Variants in MIER2 observed in about 807,000 individuals in gnomAD.
MIER2 encodes MIER family member 2.
MIER2 carries 30 observed loss-of-function variants against 67.6 expected under a neutral mutation model. The ratio of observed to expected loss-of-function variants is 0.44; its 90% CI spans 0.33 to 0.60. The LOEUF is 0.60. Ranked by LOEUF, MIER2 falls within the 20% of genes least tolerant of loss-of-function variation. MIER2 has a pLI of 0.02. For missense variants in MIER2, 702 were observed against 745.1 expected, an observed-to-expected ratio of 0.94 and a Z score of 0.67; for synonymous variants, 372 against 312.6, an observed-to-expected ratio of 1.19 and a Z score of -2.00.
intron 1 of MIER2, chr19:344,512 C>A (rs1442138888): frequency 5.0e-6 from 2 of 400,010 alleles, no homozygotes; most frequent in East Asian, 3.2e-4. Flanking sequence ...CCCCGGCCCC[C>A]GCCCGCCCCG....
At chr19:313,397 C>T in intron 8 of MIER2, 95 bp downstream of exon 8, 1 of 1,536,976 alleles carries the variant, frequency 6.5e-7, no homozygotes, top group Non-Finnish European at 8.7e-7. Flanking sequence ...GCCCTCCCCT[C>T]TGCCCTCCCT....
At chr19:342,513 CAAG>C (rs1972552595) in intron 1 of MIER2, among the ~76,000 whole-genome samples, 1 of 151,240 alleles carries the variant, frequency 6.6e-6, no homozygotes, top group Non-Finnish European at 1.5e-5. Flanking sequence ...TGGGACTCAG[CAAG>C]GAGGAGCATT....
intron 13 of MIER2, 89 bp downstream of exon 13, chr19:307,030 A>T: frequency 6.9e-7 from 1 of 1,441,570 alleles, no homozygotes. Context: ...CCTTGGGGCA[A>T]ATGCCTCCCA....
At chr19:323,458 T>G (rs1971588794) in intron 7 of MIER2, among the ~76,000 whole-genome samples, 1 of 146,430 alleles carries the variant, frequency 6.8e-6, no homozygotes, top group African/African-American at 2.6e-5. Context: ...TGCAGACGAC[T>G]CGAATGACAC....
rs530545303 is a variant in MIER2 at position 314,853 on chromosome 19, G to A, written c.656-1210C>T. Among the ~76,000 whole-genome samples, 8 of 152,270 alleles carry A rather than the reference G, an allele frequency of 5.3e-5. No individual in the cohort carries two copies. The South Asian group carries it at 1.7e-3, about 32-fold the overall frequency. On this transcript the variant is annotated intron_variant, in intron 7 of 13. Transcript: ENST00000264819. ...GTCTGTAATCCCAGCACTCTGGGAG[G>A]CTGAGGTGGGAGGATCGGTTGAGGC...
Position 306,461 on chromosome 19 carries a change from A to G in MIER2, c.*229T>C, listed in dbSNP as rs1470298919. The G allele has an allele frequency of 1.6e-6, 1 of 626,972 alleles. No individual in the cohort carries two copies. The highest frequency in any genetic ancestry group is 2.8e-5 in the East Asian group (1 of 36,090). 38.8% of individuals were successfully genotyped at this position (626,972 alleles called of 1,614,324 possible). On this transcript the variant is annotated 3_prime_UTR_variant, in exon 14 of 14. Transcript: ENST00000264819. ...AGGCAGCGGCCCGGACCCGGGTGGC[A>G]GTGCCGGGCGCTGACGGCGCTGGGT... is the stretch of plus-strand genomic sequence containing the variant.
chr19:309,722 G>A (rs1441268715), intron 10 of MIER2, among the ~76,000 whole-genome samples: 1 of 100,042 alleles, frequency 1.0e-5, no homozygotes, highest in Admixed American at 1.3e-4. Context: ...ACGCACACAA[G>A]GCTTCAGGGA....
In MIER2 at chr19:327,273, AAAAGT is replaced by A. The variant is rs1403310364; in HGVS notation, c.370-22_370-18del. On this transcript the variant is annotated intron_variant, in intron 4 of 13. Transcript: ENST00000264819. ...TATTTGTTCCTTTAAAAAAAAAAAA[AAAAGT>A]AAAGAACATTTTACAGTTTAACAAT... The A allele has an allele frequency of 6.3e-7, 1 of 1,575,702 alleles. No individual in the cohort carries two copies. The highest frequency in any genetic ancestry group is 2.2e-5 in the East Asian group (1 of 44,450).
chr19:336,309 T>G (rs1016576663), intron 1 of MIER2, 136 bp from the exon 2 acceptor site: 3 of 690,112 alleles, frequency 4.3e-6, no homozygotes, highest in Non-Finnish European at 7.3e-6. Context: ...TCTCCGCCTC[T>G]GAGGGCTGGG....
rs374386346 is a variant in MIER2, at chr19:308,536, C to G, written c.1198+41G>C. 2.8e-4 allele frequency: 436 copies of G among 1,542,156 alleles called. 2 individuals carry two copies. In the African/African-American group the frequency reaches 5.1e-3, roughly 18 times the overall value. ...CGGGCCTCACTCACGGCTCCAGACC[C>G]GTGGCCGCCCCCAGGGCAGGAGATA... is the stretch of plus-strand genomic sequence containing the variant. On this transcript the variant is annotated intron_variant, in intron 12 of 13. Coordinates refer to ENST00000264819, the MANE Select transcript of MIER2 (RefSeq NM_017550.3). The surrounding 1 kb of genome is among the most constrained non-coding windows in gnomAD (Gnocchi z 9.1).
rs758325774 is a variant in MIER2 at position 308,789 on chromosome 19, G to T, written c.1109+12C>A. The T allele has an allele frequency of 5.0e-6, 8 of 1,598,072 alleles. No homozygotes were observed. In the South Asian group the frequency reaches 8.8e-5, roughly 18 times the overall value. On this transcript the variant is annotated intron_variant, in intron 11 of 13. Transcript: ENST00000264819. This position sits in a 1 kb window ranked among gnomAD's most constrained non-coding sequence, Gnocchi z 9.1. The stretch of plus-strand genomic sequence containing the variant: ...GCCGCCTGTCGTTACTGCTGGGGAG[G>T]GCTGCACGCACGTGGTTCCGGACGG...
At chr19:336,865 C>T (rs1972280976) in intron 1 of MIER2, among the ~76,000 whole-genome samples, 2 of 151,590 alleles carry the variant, frequency 1.3e-5, no homozygotes, top group Admixed American at 6.6e-5. Flanking sequence ...TTTTTTGAGA[C>T]AGAGCCTTGC....
At chr19:337,889 A>AAAAAG (rs1972334261) in intron 1 of MIER2, among the ~76,000 whole-genome samples, 1 of 132,886 alleles carries the variant, frequency 7.5e-6, no homozygotes, top group Admixed American at 7.7e-5. Flanking sequence ...AAAAAAAAAA[A>AAAAAG]AAGGCTGGGC....
At chr19:335,877 C>T (rs1207972977) in intron 2 of MIER2, among the ~76,000 whole-genome samples, 4 of 152,176 alleles carry the variant, frequency 2.6e-5, no homozygotes, top group South Asian at 2.1e-4. Context: ...GTCGCCTGGG[C>T]TCCCTGCCCC....
chr19:307,614 G>A, intron 12 of MIER2, 78 bp from the exon 13 acceptor site: 1 of 1,401,252 alleles, frequency 7.1e-7, no homozygotes, highest in Non-Finnish European at 9.3e-7. Flanking sequence ...TAACTTTGCT[G>A]GGTCCAGCAA....
In MIER2 at chr19:307,168, C is replaced by T. The variant is rs775327945; in HGVS notation, c.1567G>A (p.Ala523Thr). The T allele has an allele frequency of 7.6e-6, 12 of 1,587,908 alleles. No individual in the cohort carries two copies. The highest frequency in any genetic ancestry group is 4.0e-5 in the African/African-American group (3 of 74,548). ...GIGDVNPFLA[A>T]HPTCPAPGLH... ...CCGGGGGCCGGGCACGTGGGGTGGG[C>T]GGCCAGGAAGGGGTTCACGTCCCCA... is the stretch of plus-strand genomic sequence containing the variant. The change falls in exon 13 of 14, where the codon GCC (alanine) becomes ACC (threonine). Residue 523 changes from alanine (A) to threonine (T), a missense_variant. By Grantham distance (58) the Ala-to-Thr change is moderately conservative. Coordinates refer to ENST00000264819, the MANE Select transcript of MIER2 (RefSeq NM_017550.3).
intron 3 of MIER2, among the ~76,000 whole-genome samples, chr19:331,345 G>C (rs1271567078): frequency 6.9e-6 from 1 of 145,614 alleles, no homozygotes; most frequent in Non-Finnish European, 1.5e-5. Context: ...GCAACAGAGT[G>C]AGACTCTGTC....
chr19:332,434 T>G (rs2145511351), intron 3 of MIER2, among the ~76,000 whole-genome samples: 1 of 151,526 alleles, frequency 6.6e-6, no homozygotes, highest in African/African-American at 2.4e-5. Flanking sequence ...CTTTGAGTGC[T>G]GGGATTACAG....
At chr19:344,642 G>A (rs964908216) in intron 1 of MIER2, 132 bp downstream of exon 1, 8 of 529,020 alleles carry the variant, frequency 1.5e-5, no homozygotes, top group African/African-American at 1.5e-4. Context: ...GACGGGCCAG[G>A]CGCCCCGGCC....
Sources: allele counts gnomAD v4.1 joint callset (sites outside exome capture counted in the v4.1 genomes callset), GRCh38; gene constraint gnomAD v4.1.1; non-coding constraint Gnocchi (gnomAD v3.1); transcripts MANE v1.5; gene names NCBI Gene and HGNC (gene_info 2026-07-23, HGNC 2026-07-21).